The following DCC variants were observed in gnomAD, a reference collection of about 807,000 sequenced individuals.
DCC encodes DCC netrin 1 receptor, also known as netrin receptor DCC.
Under a neutral mutation model 172.5 loss-of-function variants are expected in DCC, and 58 were observed. That is an observed-to-expected ratio of 0.34 (90% CI 0.27 to 0.42). DCC has a LOEUF of 0.42. DCC is among the 10% of genes least tolerant of loss of function. The pLI is 1.00. For synonymous variants in DCC, 709 were observed against 644.5 expected (o/e 1.10, Z -1.52); for missense variants, 1,740 against 1,791.0 (o/e 0.97, Z 0.51).
At chr18:52,922,441 T>C (rs1598933162) in intron 3 of DCC, among the ~76,000 whole-genome samples, 1 of 152,170 alleles carries the variant, frequency 6.6e-6, no homozygotes, top group East Asian at 1.9e-4. Context: ...CAGCAGCTCA[T>C]GCTATGACCC....
chr18:53,120,139 A>G (rs2043463421), intron 7 of DCC, among the ~76,000 whole-genome samples: 1 of 151,828 alleles, frequency 6.6e-6, no homozygotes, highest in Admixed American at 6.6e-5. Flanking sequence ...TCTATGCGTA[A>G]ATATCAATAA....
chr18:53,212,560 A>T (rs1035230036), intron 11 of DCC, among the ~76,000 whole-genome samples: 1 of 152,196 alleles, frequency 6.6e-6, no homozygotes, highest in Admixed American at 6.5e-5. Flanking sequence ...CTATCAGTGG[A>T]AAGTTAGAGA....
At chr18:53,027,399 C>T (rs2041969208) in intron 5 of DCC, among the ~76,000 whole-genome samples, 1 of 152,152 alleles carries the variant, frequency 6.6e-6, no homozygotes. Context: ...CATCAACAAA[C>T]ATTAATATAG....
At chr18:52,904,832 G>T (rs962458992) in intron 2 of DCC, among the ~76,000 whole-genome samples, 1 of 152,106 alleles carries the variant, frequency 6.6e-6, no homozygotes, top group Non-Finnish European at 1.5e-5. Flanking sequence ...AGAAATATCA[G>T]AATTTAACTG....
chr18:52,594,519 T>C (rs927933719), intron 1 of DCC, among the ~76,000 whole-genome samples: 11 of 152,170 alleles, frequency 7.2e-5, no homozygotes. Context: ...ACTGCCTTCA[T>C]CTTACCTTGA....
At chr18:53,356,339 A>G (rs1172685166) in intron 15 of DCC, among the ~76,000 whole-genome samples, 1 of 151,900 alleles carries the variant, frequency 6.6e-6, no homozygotes, top group East Asian at 1.9e-4. Flanking sequence ...TCTATTTATT[A>G]TGTTTTTTTC....
chr18:53,171,477 A>ATTC (rs2055012612), intron 8 of DCC, among the ~76,000 whole-genome samples: 2 of 152,188 alleles, frequency 1.3e-5, no homozygotes, highest in African/African-American at 2.4e-5. Context: ...TTTATGTAAG[A>ATTC]CTGAGAAAGT....
At chr18:52,434,100 T>C (rs1427847266) in intron 1 of DCC, among the ~76,000 whole-genome samples, 1 of 151,534 alleles carries the variant, frequency 6.6e-6, no homozygotes, top group Non-Finnish European at 1.5e-5. Flanking sequence ...TTAGAAGGGG[T>C]TGAATAGTTA....
At chr18:52,683,806 A>G (rs2035787322) in intron 1 of DCC, among the ~76,000 whole-genome samples, 1 of 152,102 alleles carries the variant, frequency 6.6e-6, no homozygotes, top group African/African-American at 2.4e-5. Context: ...AGAAAGAAAA[A>G]AAGTCTTATG....
intron 15 of DCC, among the ~76,000 whole-genome samples, chr18:53,364,276 A>T (rs1016058191): frequency 6.6e-6 from 1 of 152,174 alleles, no homozygotes; most frequent in African/African-American, 2.4e-5. Flanking sequence ...TGAGGTTGTT[A>T]CAAAGATTAA....
chr18:53,125,368 G>A (rs1013427919), intron 7 of DCC, among the ~76,000 whole-genome samples: 18 of 151,948 alleles, frequency 1.2e-4, no homozygotes, highest in Non-Finnish European at 4.4e-5. Flanking sequence ...AAGTTCTAAG[G>A]GCACTCTAAG....
At chr18:53,050,178 T>C (rs1195845117) in intron 5 of DCC, among the ~76,000 whole-genome samples, 2 of 152,118 alleles carry the variant, frequency 1.3e-5, no homozygotes, top group East Asian at 3.9e-4. Context: ...CTAGCCACGC[T>C]GGCAGCAGAG....
At chr18:53,225,955 G>T (rs2056021892) in intron 12 of DCC, among the ~76,000 whole-genome samples, 1 of 152,096 alleles carries the variant, frequency 6.6e-6, no homozygotes, top group Non-Finnish European at 1.5e-5. Context: ...AGCTACCTAT[G>T]GAAGAAAAAA....
chr18:52,714,734 A>C (rs1430947567), intron 1 of DCC, among the ~76,000 whole-genome samples: 1 of 152,156 alleles, frequency 6.6e-6, no homozygotes, highest in Non-Finnish European at 1.5e-5. Flanking sequence ...TTAATTAAGG[A>C]TTCTTCCAAG....
chr18:52,918,510 T>A (rs2040072948), intron 3 of DCC, among the ~76,000 whole-genome samples: 1 of 152,158 alleles, frequency 6.6e-6, no homozygotes, highest in Non-Finnish European at 1.5e-5. Context: ...TGTTTGCTCC[T>A]GGTACAATTT....
chr18:52,990,375 T>C (rs1413250490), intron 5 of DCC, among the ~76,000 whole-genome samples: 1 of 151,806 alleles, frequency 6.6e-6, no homozygotes, highest in Non-Finnish European at 1.5e-5. Context: ...ACCCCGTCTC[T>C]ACTAAAAATA....
intron 1 of DCC, among the ~76,000 whole-genome samples, chr18:52,434,243 T>C (rs1987717126): frequency 6.6e-6 from 1 of 152,204 alleles, no homozygotes; most frequent in Admixed American, 6.5e-5. Flanking sequence ...AAAATTTTGC[T>C]TTCCTGGGTA....
chr18:52,897,489 G>A (rs947947724), intron 2 of DCC, among the ~76,000 whole-genome samples: 1 of 152,078 alleles, frequency 6.6e-6, no homozygotes, highest in African/African-American at 2.4e-5. Flanking sequence ...CAATATTTGT[G>A]TATTTTTTTC....
At chr18:52,920,073 A>C (rs914861576) in intron 3 of DCC, among the ~76,000 whole-genome samples, 8 of 152,002 alleles carry the variant, frequency 5.3e-5, no homozygotes, top group African/African-American at 1.9e-4. Flanking sequence ...ATTAACTCAA[A>C]ATGGACCGTA....
Sources: allele counts gnomAD v4.1 joint callset (sites outside exome capture counted in the v4.1 genomes callset), GRCh38; gene constraint gnomAD v4.1.1; transcripts MANE v1.5; gene names NCBI Gene and HGNC (gene_info 2026-07-23, HGNC 2026-07-21).